NOD2: variants seen among roughly 807,000 people sequenced by gnomAD.
NOD2 encodes nucleotide binding oligomerization domain containing 2.
NOD2 carries 86 observed loss-of-function variants against 90.9 expected under a neutral mutation model. That is an observed-to-expected ratio of 0.95 (90% confidence interval 0.79 to 1.13). NOD2 has a LOEUF of 1.13. Among genes scored for constraint, NOD2 ranks in the 50% most tolerant of loss-of-function variants. The probability of loss-of-function intolerance (pLI) is 0.00; values close to 1 mark genes in which losing one functional copy is unlikely to be tolerated. For synonymous variants in NOD2, 581 were observed against 554.6 expected (o/e 1.05, Z -0.67); for missense variants, 1,238 against 1,283.8 (o/e 0.96, Z 0.55).
intron 2 of NOD2, among the ~76,000 whole-genome samples, chr16:50,703,109 T>G (rs1185931977): frequency 6.6e-6 from 1 of 152,186 alleles, no homozygotes; most frequent in Non-Finnish European, 1.5e-5. Flanking sequence ...GTGTGTATAT[T>G]TCATATGTAT....
chr16:50,707,517 A>C (rs1012272824), intron 2 of NOD2, among the ~76,000 whole-genome samples: 6 of 152,258 alleles, frequency 3.9e-5, no homozygotes, highest in African/African-American at 1.4e-4. Context: ...TATTCAATCC[A>C]TGAGACTTGA....
chr16:50,721,027 A>G (rs574900155), intron 7 of NOD2, among the ~76,000 whole-genome samples: 1 of 149,200 alleles, frequency 6.7e-6, no homozygotes, highest in African/African-American at 2.5e-5. Flanking sequence ...CTGGTCTTGA[A>G]CTCCTGATCT....
Position 50,699,476 on chromosome 16 carries a change from TCTC to T in NOD2, c.-8-7_-8-5del, listed in dbSNP as rs753259931. 1.2e-5 allele frequency: 19 copies of T among 1,611,192 alleles called. No homozygotes were observed. The highest frequency in any genetic ancestry group is 6.7e-5 in the Admixed American group (4 of 59,986). On this transcript the variant is annotated splice_polypyrimidine_tract_variant and intron_variant, in intron 1 of 11. Coordinates refer to ENST00000647318, the MANE Select transcript of NOD2 (RefSeq NM_001370466.1). ...TGGAGAAGTCCCGCACTGACCTTGT[TCTC>T]CTCCCCAGGTTGTGAAATGTGCTCG... is the stretch of plus-strand genomic sequence containing the variant.
chr16:50,730,062 T>A (rs1452711700), intron 11 of NOD2, 161 bp downstream of exon 11: 1 of 625,174 alleles, frequency 1.6e-6, no homozygotes, highest in Non-Finnish European at 2.9e-6. Context: ...ATTCTCTGTC[T>A]AAGAAAGAAG....
Position 50,722,660 on chromosome 16 carries a change from C to A in NOD2, c.2672C>A (p.Ala891Asp), listed in dbSNP as rs104895452. 718 of 1,614,204 alleles carry A rather than the reference C, an allele frequency of 4.4e-4. 3 individuals are homozygous for A. Among genetic ancestry groups the A allele is most frequent in the Middle Eastern group, 3.8e-3 (23 of 6,062 alleles). ...GNRVGDEGAQ[A>D]LAEALGDHQS... ...AGAGTGGGTGACGAGGGGGCCCAGG[C>A]CCTGGCTGAAGCCTTGGGTGATCAC... Residue 891 changes from alanine (A) to aspartate (D), a missense_variant, in exon 8 of 12, where the codon GCC becomes GAC. This residue lies in a region of NOD2 where 667 missense variants were observed against 688.7 expected (regional missense o/e 0.97). Transcript: ENST00000647318.
At chr16:50,697,842 C>T in intron 1 of NOD2, 1 of 203,760 alleles carries the variant, frequency 4.9e-6, no homozygotes, top group Admixed American at 5.4e-5. Context: ...TTTTGCTTAC[C>T]TTGGCTACCG....
chr16:50,699,462 C>T lies in NOD2; in HGVS notation c.-8-26C>T, dbSNP rs747608583. 38 of 1,602,586 alleles carry T rather than the reference C, an allele frequency of 2.4e-5. No homozygotes were observed. The Middle Eastern group carries it at 6.5e-4, about 27-fold the overall frequency. Reference sequence around the variant, plus strand: ...CTGCATCTGGCTTCTGGAGAAGTCCCGCACTGACCTTGTTCTCCTCCCCAG... The same window carrying T: ...CTGCATCTGGCTTCTGGAGAAGTCCTGCACTGACCTTGTTCTCCTCCCCAG... On this transcript the variant is annotated intron_variant, in intron 1 of 11. Coordinates refer to ENST00000647318, the MANE Select transcript of NOD2 (RefSeq NM_001370466.1).
At chr16:50,722,785 T>C in intron 8 of NOD2, 80 bp downstream of exon 8, 1 of 1,289,878 alleles carries the variant, frequency 7.8e-7, no homozygotes, top group South Asian at 1.2e-5. Context: ...TCTGAAGGTC[T>C]TTGAACTTTA....
intron 6 of NOD2, among the ~76,000 whole-genome samples, chr16:50,717,228 C>A (rs1239889227): frequency 6.6e-6 from 1 of 152,244 alleles, no homozygotes; most frequent in African/African-American, 2.4e-5. Context: ...AGGCCCCTTT[C>A]CTTTTCTGTG....
Position 50,711,934 on chromosome 16 carries a change from G to A in NOD2, c.1942G>A (p.Ala648Thr). Residue 648 changes from alanine to threonine, a missense_variant, in exon 4 of 12, where the codon GCA (alanine) becomes ACA (threonine). This residue lies in a region of NOD2 where 667 missense variants were observed against 688.7 expected (regional missense o/e 0.97). Coordinates refer to ENST00000647318, the MANE Select transcript of NOD2 (RefSeq NM_001370466.1). ...CGAGCCGCACAACCTTCAGATCACA[G>A]CAGCCTTCCTGGCAGGGCTGTTGTC... Reference protein sequence around the residue: ...KAEPHNLQITAAFLAGLLSRE... With the variant: ...KAEPHNLQITTAFLAGLLSRE... 1 of 1,612,046 alleles carries A rather than the reference G, an allele frequency of 6.2e-7. No homozygotes were observed. The highest frequency in any genetic ancestry group is 8.5e-7 in the Non-Finnish European group (1 of 1,178,706).
rs146128859 is a variant in NOD2 at position 50,723,220 on chromosome 16, C to T, written c.2718-81C>T. 446 of 1,164,542 alleles carry T rather than the reference C, an allele frequency of 3.8e-4. 1 individual carries two copies. Among genetic ancestry groups the T allele is most frequent in the Admixed American group, 4.2e-4 (22 of 52,384 alleles). The allele number at this position is 1,164,542 out of a possible 1,614,324, so 72.1% of individuals were successfully genotyped here. ...AATGGAGCAGACCAGGAGAGCACCA[C>T]GAATTTTGCCCTCCATAGGTTAGCT... On this transcript the variant is annotated intron_variant, in intron 8 of 11. Coordinates refer to ENST00000647318, the MANE Select transcript of NOD2 (RefSeq NM_001370466.1).
intron 1 of NOD2, among the ~76,000 whole-genome samples, chr16:50,694,807 C>G (rs1963568445): frequency 6.6e-6 from 1 of 152,248 alleles, no homozygotes; most frequent in African/African-American, 2.4e-5. Flanking sequence ...AACCCCCTGC[C>G]CTCATGGAGT....
At chr16:50,725,789 G>A (rs1965243577) in intron 10 of NOD2, among the ~76,000 whole-genome samples, 2 of 152,130 alleles carry the variant, frequency 1.3e-5, no homozygotes, top group Non-Finnish European at 2.9e-5. Context: ...GAAGTGAGAT[G>A]GGGAAGTGAA....
intron 1 of NOD2, among the ~76,000 whole-genome samples, chr16:50,695,763 C>T (rs1963619164): frequency 6.6e-6 from 1 of 151,832 alleles, no homozygotes; most frequent in African/African-American, 2.4e-5. Flanking sequence ...CAAATATGAC[C>T]AATGCCCCTG....
At chr16:50,694,816 G>C (rs555684159) in intron 1 of NOD2, among the ~76,000 whole-genome samples, 6 of 152,310 alleles carry the variant, frequency 3.9e-5, no homozygotes, top group African/African-American at 9.6e-5. Context: ...CCCTCATGGA[G>C]TGCACACTCT....
intron 4 of NOD2, among the ~76,000 whole-genome samples, 166 bp from the exon 5 acceptor site, chr16:50,716,419 AGG>A (rs1198284977): frequency 1.3e-5 from 2 of 152,212 alleles, no homozygotes; most frequent in Non-Finnish European, 2.9e-5. Flanking sequence ...CTCCCTGGCC[AGG>A]GACCGTGGGG....
chr16:50,726,887 TCCCA>T (rs2150838861), intron 10 of NOD2, among the ~76,000 whole-genome samples: 1 of 152,326 alleles, frequency 6.6e-6, no homozygotes, highest in South Asian at 2.1e-4. Context: ...ACACCTGTAA[TCCCA>T]GCACTTTGGG....
Position 50,723,387 on chromosome 16 carries a change from G to C in NOD2, c.2801+3G>C. The C allele has an allele frequency of 6.2e-7, 1 of 1,613,540 alleles. No individual in the cohort carries two copies. Among genetic ancestry groups the C allele is most frequent in the South Asian group, 1.1e-5 (1 of 91,042 alleles). ...AACGTCATGCTAGAAGAACTCTGGT[G>C]AGTTTGGGGGATTCTCTGCTCTGGG... On this transcript the variant is annotated splice_donor_region_variant and intron_variant, in intron 9 of 11. Transcript: ENST00000647318.
intron 2 of NOD2, among the ~76,000 whole-genome samples, chr16:50,702,743 G>T (rs1251558180): frequency 5.3e-5 from 8 of 152,192 alleles, no homozygotes; most frequent in Non-Finnish European, 7.3e-5. Flanking sequence ...CCTCACAAGG[G>T]TATAGTGTGA....
Sources: allele counts gnomAD v4.1 joint callset (sites outside exome capture counted in the v4.1 genomes callset), GRCh38; gene constraint gnomAD v4.1.1; regional missense constraint gnomAD v4.1.1; transcripts MANE v1.5; gene names NCBI Gene and HGNC (gene_info 2026-07-23, HGNC 2026-07-21).